GPSM2: variants seen among roughly 807,000 people sequenced by gnomAD.
GPSM2 encodes G protein signaling modulator 2.
GPSM2 carries 58 observed loss-of-function variants against 78.4 expected under a neutral mutation model. The ratio of observed to expected loss-of-function variants is 0.74; its 90% CI spans 0.60 to 0.92. GPSM2 has a LOEUF of 0.92. Ranked by LOEUF, GPSM2 falls within the 40% of genes least tolerant of loss-of-function variation. The pLI is 0.00. For missense variants in GPSM2, 700 were observed against 815.5 expected, an observed-to-expected ratio of 0.86 and a Z score of 1.73; for synonymous variants, 224 against 280.2, an observed-to-expected ratio of 0.80 and a Z score of 2.00.
intron 2 of GPSM2, among the ~76,000 whole-genome samples, chr1:108,891,246 C>A (rs1304975629): frequency 1.3e-5 from 2 of 152,064 alleles, no homozygotes; most frequent in Non-Finnish European, 2.9e-5. Flanking sequence ...AAGTTAGATT[C>A]TTGCATGTAA....
intron 2 of GPSM2, among the ~76,000 whole-genome samples, chr1:108,893,140 G>C (rs995969765): frequency 6.6e-6 from 1 of 152,200 alleles, no homozygotes; most frequent in South Asian, 2.1e-4. Flanking sequence ...TGGATCAATG[G>C]TTCCAGTAAA....
intron 14 of GPSM2, among the ~76,000 whole-genome samples, chr1:108,928,724 C>T (rs796186572): frequency 3.3e-5 from 5 of 152,300 alleles, no homozygotes; most frequent in African/African-American, 4.8e-5. Flanking sequence ...AGACCAGGCT[C>T]ATGCCTGTAA....
intron 4 of GPSM2, 130 bp from the exon 5 acceptor site, chr1:108,897,829 A>G: frequency 1.0e-6 from 1 of 976,256 alleles, no homozygotes; most frequent in Non-Finnish European, 1.5e-6. Flanking sequence ...TAATTATTTG[A>G]TTGGTTCTGT....
intron 10 of GPSM2, among the ~76,000 whole-genome samples, chr1:108,913,521 T>C (rs975367961): frequency 6.6e-6 from 1 of 152,192 alleles, no homozygotes; most frequent in Non-Finnish European, 1.5e-5. Context: ...ACATACAGTA[T>C]GATACCATTT....
At chr1:108,917,611 C>CACACATATAT (rs1312607573) in intron 11 of GPSM2, among the ~76,000 whole-genome samples, 13 of 22,678 alleles carry the variant, frequency 5.7e-4, no homozygotes, top group Admixed American at 1.9e-3. Context: ...CACACACACA[C>CACACATATAT]ATATATATAT....
chr1:108,931,462 C>T lies in GPSM2; in HGVS notation c.*1522C>T, dbSNP rs547690488. The T allele has an allele frequency of 1.1e-4, 168 of 1,550,804 alleles. 1 individual carries two copies. In the South Asian group the frequency reaches 1.1e-3, roughly 10 times the overall value. ...GAACAAGTTGCCAACTTGTTTCACT[C>T]TGCTTGCTTCAGACTGTGCACAGCT... On this transcript the variant is annotated 3_prime_UTR_variant, in exon 15 of 15. Transcript: ENST00000264126.
At chr1:108,916,260 G>GAAA (rs199744756) in intron 11 of GPSM2, among the ~76,000 whole-genome samples, 7 of 134,202 alleles carry the variant, frequency 5.2e-5, no homozygotes, top group Non-Finnish European at 6.4e-5. Context: ...CCCTGTCTCT[G>GAAA]AAAAAAAAAA....
At chr1:108,915,777 C>T (rs1390811456) in intron 11 of GPSM2, among the ~76,000 whole-genome samples, 5 of 151,976 alleles carry the variant, frequency 3.3e-5, no homozygotes, top group Non-Finnish European at 7.4e-5. Flanking sequence ...TTTAAAAATG[C>T]TTTTATAAAA....
rs368703957 is a variant in GPSM2 at position 108,922,492 on chromosome 1, G to A, written c.1516G>A (p.Asp506Asn). 2 of 1,611,206 alleles carry A rather than the reference G, an allele frequency of 1.2e-6. No individual in the cohort carries two copies. Among genetic ancestry groups the A allele is most frequent in the African/African-American group, 1.3e-5 (1 of 74,854 alleles). ...LSRFQSNRMD[D>N]QRCCLQEKNC... ...CCGATTTCAAAGCAATAGGATGGATGATCAGAGATGTTGCTTACAAGAAAA... is the reference window on the plus strand; with the variant it reads ...CCGATTTCAAAGCAATAGGATGGATAATCAGAGATGTTGCTTACAAGAAAA... The change falls in exon 13 of 15, where the codon GAT becomes AAT. Residue 506 changes from aspartate to asparagine, a missense_variant. Physicochemically the swap from Asp to Asn is conservative, Grantham distance 23. Transcript: ENST00000264126.
Position 108,898,074 on chromosome 1 carries a change from C to G in GPSM2, c.530C>G (p.Ala177Gly), listed in dbSNP as rs766520910. The change falls in exon 5 of 15, where the codon GCT (alanine) becomes GGT (glycine). Residue 177 changes from alanine (A) to glycine (G), a missense_variant. Ala to Gly is a moderately conservative substitution (Grantham distance 60). Coordinates refer to ENST00000264126, the MANE Select transcript of GPSM2 (RefSeq NM_013296.5). ...GAATTTCCAGAAGAAGTGAGAGATG[C>G]TCTGCAGGCAGCCGTGGATTTTTAT... ...VGEFPEEVRDALQAAVDFYEE... is the reference protein window; with the variant it reads ...VGEFPEEVRDGLQAAVDFYEE... 1 of 1,614,034 alleles carries G rather than the reference C, an allele frequency of 6.2e-7. No individual in the cohort carries two copies.
chr1:108,897,091 T>A lies in GPSM2; in HGVS notation c.278+6T>A. On this transcript the variant is annotated splice_donor_region_variant and intron_variant, in intron 3 of 14. Transcript: ENST00000264126. The stretch of plus-strand genomic sequence containing the variant: ...CATGATTTAACCCTTGCAAGGTAAT[T>A]AATTTAAGCTTTTAAATATTCTTCC... The A allele has an allele frequency of 6.5e-7, 1 of 1,549,274 alleles. No homozygotes were observed. The highest frequency in any genetic ancestry group is 8.9e-7 in the Non-Finnish European group (1 of 1,122,326).
intron 8 of GPSM2, among the ~76,000 whole-genome samples, chr1:108,902,514 G>A (rs559012784): frequency 2.0e-5 from 3 of 152,080 alleles, no homozygotes; most frequent in South Asian, 4.1e-4. Flanking sequence ...ATGAAAATCC[G>A]TTATGTCCAC....
intron 2 of GPSM2, among the ~76,000 whole-genome samples, chr1:108,894,912 C>A (rs924870989): frequency 1.3e-5 from 2 of 152,108 alleles, no homozygotes; most frequent in African/African-American, 4.8e-5. Flanking sequence ...ACATTTTCTA[C>A]TTTACAATCC....
chr1:108,887,942 A>G (rs1262086412), intron 2 of GPSM2, among the ~76,000 whole-genome samples: 2 of 152,274 alleles, frequency 1.3e-5, no homozygotes, highest in African/African-American at 4.8e-5. Context: ...GGCTATCTGC[A>G]CTATGATTAT....
intron 1 of GPSM2, among the ~76,000 whole-genome samples, chr1:108,879,902 C>A (rs982476808): frequency 1.3e-5 from 2 of 152,208 alleles, no homozygotes; most frequent in Admixed American, 6.5e-5. Flanking sequence ...ACCTTCTCAG[C>A]CTTCTCTTTC....
In GPSM2 at chr1:108,929,892, T is replaced by C. The variant is rs1389964715; in HGVS notation, c.2007T>C (p.Asn669=). Residue 669 remains asparagine, a synonymous_variant, in exon 15 of 15, where the codon AAT becomes AAC. Transcript: ENST00000264126. ...DFGLKDFLQN[N]ALLEFKNSGK... ...GGCTAAAGGACTTTTTGCAAAATAA[T>C]GCTTTGTTGGAGTTTAAAAATTCAG... The C allele has an allele frequency of 6.2e-7, 1 of 1,613,782 alleles. No homozygotes were observed. The highest frequency in any genetic ancestry group is 8.5e-7 in the Non-Finnish European group (1 of 1,179,632).
chr1:108,899,235 A>C (rs1648613570), intron 7 of GPSM2, among the ~76,000 whole-genome samples: 1 of 152,262 alleles, frequency 6.6e-6, no homozygotes, highest in Non-Finnish European at 1.5e-5. Context: ...CATAAGATTT[A>C]ATAGCAGCAG....
At chr1:108,917,533 C>T (rs1212124625) in intron 11 of GPSM2, among the ~76,000 whole-genome samples, 1 of 147,780 alleles carries the variant, frequency 6.8e-6, no homozygotes, top group African/African-American at 2.5e-5. Flanking sequence ...TGCCACTGCA[C>T]TCCAGCCTGG....
chr1:108,885,648 A>T, intron 2 of GPSM2, 70 bp downstream of exon 2: 1 of 910,114 alleles, frequency 1.1e-6, no homozygotes, highest in Non-Finnish European at 1.8e-6. Context: ...TCTGATGACC[A>T]TTTCAAGTTT....
Sources: allele counts gnomAD v4.1 joint callset (sites outside exome capture counted in the v4.1 genomes callset), GRCh38; gene constraint gnomAD v4.1.1; transcripts MANE v1.5; gene names NCBI Gene and HGNC (gene_info 2026-07-23, HGNC 2026-07-21).